CNNM2: variants seen among roughly 807,000 people sequenced by gnomAD.
CNNM2 encodes the protein metal transporter CNNM2.
Under a neutral mutation model 66.9 loss-of-function variants are expected in CNNM2, and 12 were observed. That is an observed-to-expected ratio of 0.18 (90% CI 0.11 to 0.29). The LOEUF (loss-of-function observed/expected upper bound fraction) is 0.29, where lower values mean the gene tolerates loss of function less well. CNNM2 is among the 10% of genes least tolerant of loss of function. The pLI, the probability that CNNM2 is intolerant of heterozygous loss-of-function variation, is 1.00. For synonymous variants in CNNM2, 557 were observed against 501.8 expected, an observed-to-expected ratio of 1.11 and a Z score of -1.47; for missense variants, 705 against 1,167.7, an observed-to-expected ratio of 0.60 and a Z score of 5.77.
rs1165993149 is a variant in CNNM2, at chr10:103,052,279, CA to C, written c.1766-2039del. 2.8e-4 allele frequency among the ~76,000 whole-genome samples: 21 copies of C among 76,322 alleles called. No individual in the cohort carries two copies. In the East Asian group the frequency reaches 4.3e-3, roughly 16 times the overall value. The allele number at this position is 76,322 out of a possible 152,430, so 50.1% of individuals were successfully genotyped here. On this transcript the variant is annotated intron_variant, in intron 2 of 7. Transcript: ENST00000369878. ...CTGGCGACAGAGTGAGAATCCGTCT[CA>C]AAAAAAAAAACAAAAAAAAAAAAAC...
intron 1 of CNNM2, among the ~76,000 whole-genome samples, chr10:103,043,277 G>T (rs542278997): frequency 6.6e-6 from 1 of 152,226 alleles, no homozygotes; most frequent in South Asian, 2.1e-4. Flanking sequence ...ACTACTCTGT[G>T]TCACTTTTTA....
chr10:103,001,057 G>T (rs1278782725), intron 1 of CNNM2, among the ~76,000 whole-genome samples: 1 of 152,172 alleles, frequency 6.6e-6, no homozygotes, highest in Non-Finnish European at 1.5e-5. Flanking sequence ...CTTGAAGATA[G>T]TATACTAAGT....
At chr10:103,069,352 G>A (rs775028615) in intron 5 of CNNM2, among the ~76,000 whole-genome samples, 7 of 152,146 alleles carry the variant, frequency 4.6e-5, no homozygotes, top group Non-Finnish European at 8.8e-5. Flanking sequence ...GGCGCTACGT[G>A]TCAGAGGGTG....
At chr10:103,073,797 A>T (rs10786734) in intron 6 of CNNM2, among the ~76,000 whole-genome samples, 2 of 150,208 alleles carry the variant, frequency 1.3e-5, no homozygotes, top group Non-Finnish European at 3.0e-5. Flanking sequence ...GGGAAGCGGA[A>T]CTTGCAGTGA....
intron 1 of CNNM2, among the ~76,000 whole-genome samples, chr10:103,024,402 A>G (rs183410539): frequency 1.2e-4 from 18 of 152,190 alleles, no homozygotes; most frequent in Admixed American, 1.1e-3. Flanking sequence ...ATGCCTCATA[A>G]GTCTAAGCAA....
chr10:103,023,102 G>A (rs754484133), intron 1 of CNNM2, among the ~76,000 whole-genome samples: 56 of 152,180 alleles, frequency 3.7e-4, no homozygotes, highest in Middle Eastern at 3.4e-3. Flanking sequence ...AGGGCGCTTC[G>A]CTATGTTGCC....
intron 6 of CNNM2, among the ~76,000 whole-genome samples, chr10:103,073,568 G>T (rs775545333): frequency 6.6e-5 from 10 of 152,162 alleles, no homozygotes; most frequent in Non-Finnish European, 1.3e-4. Flanking sequence ...TGACAAGAAA[G>T]AATAGAAAAT....
intron 1 of CNNM2, among the ~76,000 whole-genome samples, chr10:103,034,735 G>A (rs1289552847): frequency 2.0e-5 from 3 of 152,116 alleles, no homozygotes; most frequent in African/African-American, 4.8e-5. Flanking sequence ...CAGAAGTATA[G>A]ATCTCTTTTA....
chr10:102,966,110 A>T (rs2063459905), intron 1 of CNNM2, among the ~76,000 whole-genome samples: 2 of 152,184 alleles, frequency 1.3e-5, no homozygotes, highest in Non-Finnish European at 2.9e-5. Context: ...CAGATTTTAT[A>T]TTCAGTTGTC....
chr10:102,959,542 C>A (rs1288701118), intron 1 of CNNM2, among the ~76,000 whole-genome samples: 1 of 152,130 alleles, frequency 6.6e-6, no homozygotes, highest in Non-Finnish European at 1.5e-5. Context: ...AGGAAAGTTA[C>A]TTTAGCTTAT....
At chr10:103,035,022 T>C (rs1285643250) in intron 1 of CNNM2, among the ~76,000 whole-genome samples, 2 of 150,976 alleles carry the variant, frequency 1.3e-5, no homozygotes, top group Non-Finnish European at 3.0e-5. Context: ...TGGTGGTTCA[T>C]GTCTATAATC....
chr10:103,016,131 A>C (rs1360010799), intron 1 of CNNM2, among the ~76,000 whole-genome samples: 2 of 151,968 alleles, frequency 1.3e-5, no homozygotes, highest in African/African-American at 2.4e-5. Context: ...CACGCCCCCA[A>C]GCCCCCCGCT....
At chr10:102,946,470 CT>C (rs1846621165) in intron 1 of CNNM2, among the ~76,000 whole-genome samples, 1 of 152,064 alleles carries the variant, frequency 6.6e-6, no homozygotes, top group Admixed American at 6.5e-5. Context: ...ACTAATTGAA[CT>C]TGTATATTGA....
rs183264548 is a variant in CNNM2, at chr10:102,979,994, A to G, written c.1621+59893A>G. On this transcript the variant is annotated intron_variant, in intron 1 of 7. Coordinates refer to ENST00000369878, the MANE Select transcript of CNNM2 (RefSeq NM_017649.5). ...GGCGGGGTGATCTCGGCTCACTGCA[A>G]TCTCTGCCTCCTGGGTTCAAGCCAT... Among the ~76,000 whole-genome samples the G allele has an allele frequency of 3.1e-3, 473 of 151,914 alleles. 3 individuals are homozygous for G. Among genetic ancestry groups the G allele is most frequent in the Non-Finnish European group, 5.7e-3 (387 of 67,950 alleles).
At chr10:103,034,668 A>G (rs1302535538) in intron 1 of CNNM2, among the ~76,000 whole-genome samples, 2 of 152,248 alleles carry the variant, frequency 1.3e-5, no homozygotes, top group African/African-American at 4.8e-5. Context: ...CTAAAACCTT[A>G]TAATGGAACA....
At chr10:102,945,054 G>T (rs1188524550) in intron 1 of CNNM2, among the ~76,000 whole-genome samples, 6 of 151,788 alleles carry the variant, frequency 4.0e-5, no homozygotes. Context: ...AATCTATGAG[G>T]TGATATTTTT....
intron 1 of CNNM2, among the ~76,000 whole-genome samples, chr10:103,033,498 T>C (rs1564853803): frequency 1.3e-5 from 2 of 151,554 alleles, no homozygotes; most frequent in Non-Finnish European, 2.9e-5. Context: ...CTGGACAATC[T>C]AAGGTTTTTT....
intron 1 of CNNM2, among the ~76,000 whole-genome samples, chr10:102,952,339 C>T (rs1182442568): frequency 3.3e-5 from 5 of 151,954 alleles, no homozygotes; most frequent in Non-Finnish European, 5.9e-5. Context: ...CCAAGACTGG[C>T]GGATCATGAG....
rs549682255 is a variant in CNNM2 at position 102,975,006 on chromosome 10, G to A, written c.1621+54905G>A. On this transcript the variant is annotated intron_variant, in intron 1 of 7. Coordinates refer to ENST00000369878, the MANE Select transcript of CNNM2 (RefSeq NM_017649.5). ...AGCCCATAATTAGCCATCAGGATAT[G>A]TAAAGGAAGAGGATTTGTACCTTGT... is the stretch of plus-strand genomic sequence containing the variant. Among the ~76,000 whole-genome samples the A allele has an allele frequency of 5.9e-5, 9 of 152,308 alleles. No individual in the cohort carries two copies. The South Asian group carries it at 1.9e-3, about 32-fold the overall frequency.
Sources: allele counts gnomAD v4.1 joint callset (sites outside exome capture counted in the v4.1 genomes callset), GRCh38; gene constraint gnomAD v4.1.1; transcripts MANE v1.5; gene names NCBI Gene and HGNC (gene_info 2026-07-23, HGNC 2026-07-21).